The following NCAPD2 variants were observed in gnomAD, a reference collection of about 807,000 sequenced individuals.
NCAPD2 encodes condensin complex subunit 1.
NCAPD2 carries 100 observed loss-of-function variants against 164.5 expected under a neutral mutation model. That is an observed-to-expected ratio of 0.61 (90% CI 0.52 to 0.72). The LOEUF is 0.72. Ranked by LOEUF, NCAPD2 falls within the 30% of genes least tolerant of loss-of-function variation. The pLI is 0.00. For synonymous variants in NCAPD2, 585 were observed against 642.6 expected (o/e 0.91, Z 1.36); for missense variants, 1,560 against 1,749.2 (o/e 0.89, Z 1.93).
At chr12:6,516,340 A>G (rs1275391914) in intron 9 of NCAPD2, among the ~76,000 whole-genome samples, 1 of 151,706 alleles carries the variant, frequency 6.6e-6, no homozygotes, top group African/African-American at 2.4e-5. Flanking sequence ...TGTCTCTACT[A>G]AAAATACAAA....
chr12:6,527,215 T>A (rs1341158652), intron 22 of NCAPD2, 152 bp downstream of exon 22: 13 of 862,064 alleles, frequency 1.5e-5, no homozygotes, highest in Non-Finnish European at 2.2e-5. Flanking sequence ...AAGGTTCGTG[T>A]GAACAATGAC....
At chr12:6,527,399 C>G (rs1946327242) in intron 22 of NCAPD2, among the ~76,000 whole-genome samples, 1 of 152,220 alleles carries the variant, frequency 6.6e-6, no homozygotes, top group Non-Finnish European at 1.5e-5. Flanking sequence ...CGGATGGGGC[C>G]CTGTGTTCCC....
intron 9 of NCAPD2, among the ~76,000 whole-genome samples, chr12:6,516,449 C>T (rs1158335302): frequency 6.6e-6 from 1 of 152,116 alleles, no homozygotes; most frequent in African/African-American, 2.4e-5. Flanking sequence ...TTGCAGTGAG[C>T]CGAGATGGCG....
intron 6 of NCAPD2, among the ~76,000 whole-genome samples, chr12:6,512,063 C>T (rs1407749986): frequency 1.3e-5 from 2 of 151,640 alleles, no homozygotes; most frequent in African/African-American, 2.4e-5. Flanking sequence ...AGGTGGATCA[C>T]GAGGTCAGGA....
At chr12:6,495,318 G>A (rs1252598225) in intron 2 of NCAPD2, 93 bp downstream of exon 2, 1 of 1,484,486 alleles carries the variant, frequency 6.7e-7, no homozygotes, top group African/African-American at 1.4e-5. Context: ...ACTACACCAG[G>A]AAGCATCATA....
intron 2 of NCAPD2, among the ~76,000 whole-genome samples, chr12:6,497,962 C>A (rs1428735936): frequency 7.2e-6 from 1 of 139,214 alleles, no homozygotes; most frequent in Non-Finnish European, 1.5e-5. Flanking sequence ...GAGACAAGGT[C>A]TCATTTTGTT....
chr12:6,517,270 G>A (rs1403353263), intron 10 of NCAPD2, 95 bp from the exon 11 acceptor site: 25 of 1,523,406 alleles, frequency 1.6e-5, no homozygotes, highest in Non-Finnish European at 2.2e-5. Flanking sequence ...TTTAGAGTGA[G>A]TGGGTAGCTC....
chr12:6,525,380 G>C (rs1238611105), intron 17 of NCAPD2, among the ~76,000 whole-genome samples: 2 of 152,160 alleles, frequency 1.3e-5, no homozygotes, highest in South Asian at 4.1e-4. Context: ...GAATAAAATA[G>C]TTTTGAAGGC....
intron 13 of NCAPD2, among the ~76,000 whole-genome samples, chr12:6,518,512 T>TTTTTTTTGTTTTTTTG (rs1946229973): frequency 1.9e-5 from 2 of 103,516 alleles, no homozygotes; most frequent in African/African-American, 8.3e-5. Flanking sequence ...AAGTTTTTTT[T>TTTTTTTTGTTTTTTTG]TTTTTTTTTT....
chr12:6,524,126 TCTTAA>T (rs1204084298), intron 17 of NCAPD2, among the ~76,000 whole-genome samples: 5 of 152,128 alleles, frequency 3.3e-5, no homozygotes, highest in African/African-American at 1.2e-4. Flanking sequence ...GAAAACATAC[TCTTAA>T]CTTCTGTGTT....
chr12:6,524,077 G>T (rs1373489046), intron 17 of NCAPD2, among the ~76,000 whole-genome samples: 1 of 152,160 alleles, frequency 6.6e-6, no homozygotes, highest in Non-Finnish European at 1.5e-5. Flanking sequence ...CTAGTTAGTG[G>T]CAAAGTTTGA....
At chr12:6,518,016 G>C in intron 13 of NCAPD2, 57 bp downstream of exon 13, 1 of 1,532,848 alleles carries the variant, frequency 6.5e-7, no homozygotes, top group Middle Eastern at 2.3e-4. Context: ...GTTAACCTTT[G>C]AGAAACTTAC....
rs1340336449 is a variant in NCAPD2, at chr12:6,523,346, T to C, written c.2214T>C (p.Ile738=). The part of the protein sequence containing the change: ...SVGTIQCLEE[I]LCEFVQKDEL... ...GGACCATTCAGTGTCTTGAGGAAAT[T>C]GTAAGGCTTCCTGCTTTCTCTTTCT... Residue 738 remains isoleucine (I), a splice_region_variant and synonymous_variant, in exon 17 of 32, where the codon ATT becomes ATC. Transcript: ENST00000315579. The C allele has an allele frequency of 6.2e-7, 1 of 1,608,358 alleles. No homozygotes were observed. The highest frequency in any genetic ancestry group is 8.5e-7 in the Non-Finnish European group (1 of 1,175,520).
chr12:6,500,011 T>C (rs1469206895), intron 2 of NCAPD2, among the ~76,000 whole-genome samples: 1 of 152,062 alleles, frequency 6.6e-6, no homozygotes, highest in African/African-American at 2.4e-5. Flanking sequence ...TAGTTCCAGC[T>C]ACTTGGGAGG....
Position 6,516,730 on chromosome 12 carries a change from A to G in NCAPD2, c.988-98A>G, listed in dbSNP as rs1413281759. The G allele has an allele frequency of 2.6e-5, 29 of 1,124,090 alleles. No homozygotes were observed. The Admixed American group carries it at 5.7e-4, about 22-fold the overall frequency. The allele number at this position is 1,124,090 out of a possible 1,614,324, so 69.6% of individuals were successfully genotyped here. On this transcript the variant is annotated intron_variant, in intron 9 of 31. Coordinates refer to ENST00000315579, the MANE Select transcript of NCAPD2 (RefSeq NM_014865.4). The stretch of plus-strand genomic sequence containing the variant: ...TTCAGCTTTCTCCTGTGACCTTGGG[A>G]GTGAATACCTAGGCAGTTAATGGAA...
intron 2 of NCAPD2, among the ~76,000 whole-genome samples, chr12:6,506,324 A>C (rs1326311858): frequency 6.6e-6 from 1 of 152,212 alleles, no homozygotes; most frequent in East Asian, 1.9e-4. Flanking sequence ...ACGGTGGCTC[A>C]ACCCCTGTAA....
In NCAPD2 at chr12:6,495,120, T is replaced by C; in HGVS notation, c.22T>C (p.Phe8Leu). 6.2e-7 allele frequency: 1 copy of C among 1,614,110 alleles called. No individual in the cohort carries two copies. The highest frequency in any genetic ancestry group is 8.5e-7 in the Non-Finnish European group (1 of 1,180,010). ...TAGAATGGCTCCCCAAATGTATGAG[T>C]TCCATCTGCCATTATCCCCAGAGGA... The part of the protein sequence containing the change: MAPQMYE[F>L]HLPLSPEELL... The change falls in exon 2 of 32, where the codon TTC (phenylalanine) becomes CTC (leucine). Residue 8 changes from phenylalanine to leucine, a missense_variant. Coordinates refer to ENST00000315579, the MANE Select transcript of NCAPD2 (RefSeq NM_014865.4).
chr12:6,514,283 C>T lies in NCAPD2; in HGVS notation c.606C>T (p.Cys202=). Residue 202 remains cysteine, a synonymous_variant, in exon 7 of 32, where the codon TGC becomes TGT. Transcript: ENST00000315579. ...EEFVSLVTGC[C]YRLLENPTIN... ...TTCTCAGTTTGGTTACTGGCTGTTG[C>T]TACCGCCTTCTGGAGAATCCCACCA... The T allele has an allele frequency of 1.2e-6, 2 of 1,614,188 alleles. No homozygotes were observed. Among genetic ancestry groups the T allele is most frequent in the Non-Finnish European group, 1.7e-6 (2 of 1,180,040 alleles).
chr12:6,504,825 T>G (rs1946084343), intron 2 of NCAPD2, among the ~76,000 whole-genome samples: 1 of 152,136 alleles, frequency 6.6e-6, no homozygotes, highest in Non-Finnish European at 1.5e-5. Flanking sequence ...CACCATAAGT[T>G]TACATGATGA....
Sources: gnomAD v4.1 joint callset for allele counts (sites outside exome capture counted in the v4.1 genomes callset) on GRCh38, gnomAD v4.1.1 for gene constraint, MANE v1.5 for transcripts, NCBI Gene and HGNC (gene_info 2026-07-23, HGNC 2026-07-21) for gene names.